The following ATE1 variants were observed in gnomAD, a reference collection of about 807,000 sequenced individuals.
The protein encoded by ATE1 is arginyl-tRNA--protein transferase 1.
Under a neutral mutation model 70.5 loss-of-function variants are expected in ATE1, and 36 were observed. The observed-to-expected ratio is 0.51, with a 90% CI of 0.39 to 0.67. The LOEUF is 0.67. Ranked by LOEUF, ATE1 falls within the 30% of genes least tolerant of loss-of-function variation. The pLI is 0.00. For synonymous variants in ATE1, 232 were observed against 219.3 expected (o/e 1.06, Z -0.51); for missense variants, 593 against 629.5 (o/e 0.94, Z 0.62).
chr10:121,856,158 C>A (rs539386894), intron 8 of ATE1, among the ~76,000 whole-genome samples: 27 of 151,154 alleles, frequency 1.8e-4, no homozygotes, highest in Admixed American at 1.3e-3. Context: ...AATGTTTGGT[C>A]TGAGGGGAAA....
chr10:121,888,680 AG>A (rs75350997), intron 7 of ATE1, among the ~76,000 whole-genome samples: 18,589 of 152,198 alleles, frequency 0.12, 1,444 homozygotes, highest in East Asian at 0.33. Flanking sequence ...GGTATGTATA[AG>A]GATGTACATA....
intron 9 of ATE1, among the ~76,000 whole-genome samples, chr10:121,838,392 C>CA (rs1948507390): frequency 6.6e-6 from 1 of 151,640 alleles, no homozygotes; most frequent in African/African-American, 2.4e-5. Flanking sequence ...GTGCCCCTTG[C>CA]ATAAGGCTCT....
chr10:121,819,679 C>CCAA (rs1448101842), intron 10 of ATE1, among the ~76,000 whole-genome samples: 6 of 52,726 alleles, frequency 1.1e-4, no homozygotes, highest in African/African-American at 4.4e-4. Flanking sequence ...AAGACTGTCT[C>CCAA]AAAAAAAAAA....
chr10:121,900,286 C>T (rs918871204), intron 6 of ATE1, among the ~76,000 whole-genome samples: 7 of 152,162 alleles, frequency 4.6e-5, no homozygotes, highest in African/African-American at 9.7e-5. Context: ...TTCCAGCACT[C>T]GTACACACAC....
At chr10:121,922,491 T>C in intron 2 of ATE1, 80 bp from the exon 3 acceptor site, 1 of 836,302 alleles carries the variant, frequency 1.2e-6, no homozygotes, top group African/African-American at 1.7e-5. Context: ...GAGCATTAAA[T>C]TAAGGTTAAA....
chr10:121,812,416 A>G (rs1331816577), intron 10 of ATE1, among the ~76,000 whole-genome samples: 1 of 152,138 alleles, frequency 6.6e-6, no homozygotes, highest in Non-Finnish European at 1.5e-5. Flanking sequence ...AAAGGGAGAA[A>G]TGGGGGGTGG....
At chr10:121,861,699 C>T (rs904021500) in intron 8 of ATE1, among the ~76,000 whole-genome samples, 1 of 147,698 alleles carries the variant, frequency 6.8e-6, no homozygotes, top group African/African-American at 2.5e-5. Flanking sequence ...TGTATACATA[C>T]GTAACTAACC....
At chr10:121,852,994 G>A (rs531383355) in intron 8 of ATE1, among the ~76,000 whole-genome samples, 30 of 152,052 alleles carry the variant, frequency 2.0e-4, no homozygotes, top group Non-Finnish European at 4.0e-4. Context: ...TCAATGGAGC[G>A]ATTATGAGTA....
chr10:121,809,131 T>C (rs1044106406), intron 10 of ATE1, among the ~76,000 whole-genome samples: 3 of 152,254 alleles, frequency 2.0e-5, no homozygotes, highest in Non-Finnish European at 4.4e-5. Context: ...ATTAGGTCCA[T>C]AGTGATGAAC....
At chr10:121,797,790 G>A (rs1319171157) in intron 10 of ATE1, among the ~76,000 whole-genome samples, 1 of 152,062 alleles carries the variant, frequency 6.6e-6, no homozygotes, top group African/African-American at 2.4e-5. Flanking sequence ...TCTCTCTTCT[G>A]GTCACAGCTA....
At chr10:121,744,942 TG>T (rs1944289184) in intron 11 of ATE1, among the ~76,000 whole-genome samples, 1 of 152,204 alleles carries the variant, frequency 6.6e-6, no homozygotes, top group African/African-American at 2.4e-5. Context: ...TTCTGCTGCC[TG>T]GAACGTTGGA....
At chr10:121,857,474 G>A (rs1022596643) in intron 8 of ATE1, among the ~76,000 whole-genome samples, 5 of 152,170 alleles carry the variant, frequency 3.3e-5, no homozygotes, top group African/African-American at 1.2e-4. Flanking sequence ...ATTCCATGGT[G>A]TATATGTACT....
chr10:121,820,854 CCT>C (rs1415577577), intron 10 of ATE1, among the ~76,000 whole-genome samples: 3 of 152,140 alleles, frequency 2.0e-5, no homozygotes, highest in Admixed American at 1.3e-4. Flanking sequence ...AGTCCTGCAC[CCT>C]GTCTCACACC....
chr10:121,820,784 T>C (rs1947762218), intron 10 of ATE1, among the ~76,000 whole-genome samples: 1 of 152,220 alleles, frequency 6.6e-6, no homozygotes, highest in Non-Finnish European at 1.5e-5. Flanking sequence ...ATTAAACTGA[T>C]ATATGCATGG....
chr10:121,793,405 G>A (rs984473576), intron 10 of ATE1, among the ~76,000 whole-genome samples: 2 of 152,186 alleles, frequency 1.3e-5, no homozygotes, highest in African/African-American at 4.8e-5. Flanking sequence ...AACTGGGAAT[G>A]TTGGGTAAAA....
At chr10:121,868,157 C>T (rs945557952) in intron 8 of ATE1, among the ~76,000 whole-genome samples, 6 of 152,104 alleles carry the variant, frequency 3.9e-5, no homozygotes, top group Non-Finnish European at 8.8e-5. Flanking sequence ...TTATAGATCA[C>T]TGTCATTTTA....
chr10:121,821,059 G>A (rs939782156), intron 10 of ATE1, among the ~76,000 whole-genome samples: 9 of 152,096 alleles, frequency 5.9e-5, no homozygotes, highest in Non-Finnish European at 1.0e-4. Flanking sequence ...CTCCCGCCTC[G>A]GCCTCCCGAG....
intron 8 of ATE1, among the ~76,000 whole-genome samples, chr10:121,849,906 C>T (rs185390553): frequency 6.6e-5 from 10 of 151,688 alleles, no homozygotes; most frequent in Non-Finnish European, 4.4e-5. Context: ...ATACCATAAA[C>T]TGATTTAACA....
At chr10:121,807,128 A>G (rs779449406) in intron 10 of ATE1, among the ~76,000 whole-genome samples, 3 of 152,246 alleles carry the variant, frequency 2.0e-5, no homozygotes, top group Non-Finnish European at 4.4e-5. Flanking sequence ...AGCAGGCCTC[A>G]GTAAAAGCTA....
Sources: gnomAD v4.1 joint callset for allele counts (sites outside exome capture counted in the v4.1 genomes callset) on GRCh38, gnomAD v4.1.1 for gene constraint, MANE v1.5 for transcripts, NCBI Gene and HGNC (gene_info 2026-07-23, HGNC 2026-07-21) for gene names.